The following SETMAR variants were observed in gnomAD, a reference collection of about 807,000 sequenced individuals.
SETMAR encodes the protein SET and mariner transposase domain methyltransferase.
SETMAR carries 44 observed loss-of-function variants against 58.4 expected under a neutral mutation model. The ratio of observed to expected loss-of-function variants is 0.75; its 90% CI spans 0.59 to 0.97. The LOEUF (loss-of-function observed/expected upper bound fraction) is 0.97. SETMAR is among the 50% of genes least tolerant of loss of function. The probability of loss-of-function intolerance (pLI) is 0.00; values close to 1 mark genes in which losing one functional copy is unlikely to be tolerated. For synonymous variants in SETMAR, 332 were observed against 307.4 expected, an observed-to-expected ratio of 1.08 and a Z score of -0.84; for missense variants, 903 against 840.2, an observed-to-expected ratio of 1.07 and a Z score of -0.92.
rs766385284 is a variant in SETMAR, at chr3:4,303,399, G to A, written c.29G>A (p.Arg10Gln). The A allele has an allele frequency of 1.9e-6, 3 of 1,558,224 alleles. No homozygotes were observed. The highest frequency in any genetic ancestry group is 1.2e-5 in the South Asian group (1 of 82,878). ...TTCGCGGAAGCGGCAAAGACGACAC[G>A]GCCTTGTGGGATGGCGGAGTTTAAG... MFAEAAKTT[R>Q]PCGMAEFKEK... The change falls in exon 1 of 3, where the codon CGG (arginine) becomes CAG (glutamine). Residue 10 changes from arginine to glutamine, a missense_variant. Physicochemically the swap from Arg to Gln is conservative, Grantham distance 43 (BLOSUM62 1). Coordinates refer to ENST00000358065, the MANE Select transcript of SETMAR (RefSeq NM_006515.4).
intron 1 of SETMAR, among the ~76,000 whole-genome samples, chr3:4,305,331 C>A (rs1209310832): frequency 6.6e-6 from 1 of 152,166 alleles, no homozygotes. Flanking sequence ...AGTGATCCAC[C>A]CACCTGGGCC....
At position 4,316,697 on chromosome 3, in the gene SETMAR, T is replaced by C. The variant is rs1202238901; in HGVS notation, c.1506T>C (p.Tyr502=). 9 of 1,551,096 alleles carry C rather than the reference T, an allele frequency of 5.8e-6. No homozygotes were observed. The highest frequency in any genetic ancestry group is 7.8e-6 in the Non-Finnish European group (9 of 1,146,764). The change falls in exon 3 of 3, where the codon TAT becomes TAC. Residue 502 remains tyrosine, a synonymous_variant. Coordinates refer to ENST00000358065, the MANE Select transcript of SETMAR (RefSeq NM_006515.4). ...CGTGTGATGAAAAGTGGATTTTATA[T>C]GACAACCGGCGACGATCAGCTCAGT... ...IVTCDEKWIL[Y]DNRRRSAQWL...
chr3:4,310,926 T>C (rs1258785402), intron 1 of SETMAR, among the ~76,000 whole-genome samples: 2 of 152,224 alleles, frequency 1.3e-5, no homozygotes, highest in African/African-American at 4.8e-5. Flanking sequence ...AGTAACCATT[T>C]ACATTTGAAC....
chr3:4,311,940 G>C lies in SETMAR; in HGVS notation c.157-958G>C, dbSNP rs1698421090. Among the ~76,000 whole-genome samples the C allele has an allele frequency of 2.6e-5, 4 of 152,290 alleles. No homozygotes were observed. The South Asian group carries it at 6.2e-4, about 24-fold the overall frequency. On this transcript the variant is annotated intron_variant, in intron 1 of 2. Coordinates refer to ENST00000358065, the MANE Select transcript of SETMAR (RefSeq NM_006515.4). Reference sequence around the variant, plus strand: ...AAATATGCTTCACGATGCTAATGAGGATCTAACCAGAGATCAGGCTTCACA... The same window carrying C: ...AAATATGCTTCACGATGCTAATGAGCATCTAACCAGAGATCAGGCTTCACA...
Position 4,313,322 on chromosome 3 carries a change from T to C in SETMAR, c.581T>C (p.Ile194Thr). 1 of 1,614,076 alleles carries C rather than the reference T, an allele frequency of 6.2e-7. No homozygotes were observed. The highest frequency in any genetic ancestry group is 2.2e-5 in the East Asian group (1 of 44,888). ...ACAAAATCCGACTCCAATTACATTA[T>C]AGCCATCAGGGAACATGTTTATAAT... ...LQTKSDSNYI[I>T]AIREHVYNGQ... Residue 194 changes from isoleucine to threonine, a missense_variant, in exon 2 of 3, where the codon ATA (isoleucine) becomes ACA (threonine). Coordinates refer to ENST00000358065, the MANE Select transcript of SETMAR (RefSeq NM_006515.4).
intron 1 of SETMAR, among the ~76,000 whole-genome samples, chr3:4,309,098 T>C (rs982534605): frequency 2.0e-5 from 3 of 152,214 alleles, no homozygotes; most frequent in African/African-American, 7.2e-5. Context: ...GGAATTGTTA[T>C]TGTCTAAAAA....
At chr3:4,314,064 C>T in intron 2 of SETMAR, 1 of 490,452 alleles carries the variant, frequency 2.0e-6, no homozygotes, top group Non-Finnish European at 3.6e-6. Flanking sequence ...CTCTTTCTTC[C>T]TGCTGGCTGG....
At chr3:4,305,051 T>G (rs1425024352) in intron 1 of SETMAR, among the ~76,000 whole-genome samples, 1 of 152,168 alleles carries the variant, frequency 6.6e-6, no homozygotes, top group African/African-American at 2.4e-5. Flanking sequence ...GTTGAGTTTG[T>G]CTGAAGACCT....
chr3:4,313,199 T>A lies in SETMAR; in HGVS notation c.458T>A (p.Leu153His). ...VFKTHKKGWG[L>H]RTLEFIPKGR... Reference sequence around the variant, plus strand: ...AAGACGCATAAAAAAGGCTGGGGACTTCGTACCTTGGAATTTATACCGAAA... The same window carrying A: ...AAGACGCATAAAAAAGGCTGGGGACATCGTACCTTGGAATTTATACCGAAA... The change falls in exon 2 of 3, where the codon CTT becomes CAT. Residue 153 changes from leucine to histidine, a missense_variant. By Grantham distance (99) the Leu-to-His change is moderately conservative. Coordinates refer to ENST00000358065, the MANE Select transcript of SETMAR (RefSeq NM_006515.4). The A allele has an allele frequency of 6.2e-7, 1 of 1,614,016 alleles. No homozygotes were observed. Among genetic ancestry groups the A allele is most frequent in the Non-Finnish European group, 8.5e-7 (1 of 1,179,984 alleles).
intron 1 of SETMAR, chr3:4,304,009 A>G: frequency 2.6e-6 from 1 of 390,814 alleles, no homozygotes. Flanking sequence ...TCAGCCTTAG[A>G]GTCTTCCAGC....
At position 4,303,812 on chromosome 3, in the gene SETMAR, CAAG is replaced by C. The variant is rs765773476; in HGVS notation, c.156+287_156+289del. On this transcript the variant is annotated intron_variant, in intron 1 of 2. Transcript: ENST00000358065. ...TTTGTCCAGTCCTGTCCTCAGAACT[CAAG>C]GAGGCATCACGGGGGGAGTCATTTA... 6.6e-5 allele frequency: 91 copies of C among 1,389,134 alleles called. 2 individuals carry two copies. In the Admixed American group the frequency reaches 1.1e-3, roughly 17 times the overall value. 86.1% of individuals were successfully genotyped at this position (1,389,134 alleles called of 1,614,324 possible). A position where few individuals can be genotyped will look rare whatever the true frequency, so the allele number is the denominator to read the frequency against.
intron 1 of SETMAR, among the ~76,000 whole-genome samples, chr3:4,304,279 T>C (rs976980809): frequency 1.3e-5 from 2 of 152,178 alleles, no homozygotes; most frequent in African/African-American, 4.8e-5. Context: ...GTAGCTGGGA[T>C]TACAGGCATG....
At chr3:4,303,737 C>A (rs893751497) in intron 1 of SETMAR, 1 of 1,493,562 alleles carries the variant, frequency 6.7e-7, no homozygotes, top group Non-Finnish European at 9.0e-7. Flanking sequence ...TTGTCCTTTT[C>A]AGTCCATTCC....
Position 4,316,578 on chromosome 3 carries a change from G to C in SETMAR, c.1387G>C (p.Glu463Gln). 1 of 1,552,118 alleles carries C rather than the reference G, an allele frequency of 6.4e-7. No homozygotes were observed. Among genetic ancestry groups the C allele is most frequent in the Non-Finnish European group, 8.7e-7 (1 of 1,147,190 alleles). The change falls in exon 3 of 3, where the codon GAG becomes CAG. Residue 463 changes from glutamate to glutamine, a missense_variant. Coordinates refer to ENST00000358065, the MANE Select transcript of SETMAR (RefSeq NM_006515.4). ...VKKLDKWVPH[E>Q]LTENQKNRRF... ...AAAGCTCGATAAGTGGGTGCCTCAT[G>C]AGCTGACTGAAAATCAAAAAAATCG... is the stretch of plus-strand genomic sequence containing the variant.
intron 1 of SETMAR, chr3:4,304,218 C>T (rs34326077): frequency 0.28 from 42,346 of 153,062 alleles, 6,933 homozygotes; most frequent in Non-Finnish European, 0.37. Context: ...CTCGGCCCAC[C>T]GCAACCTCCA....
chr3:4,303,397 A>G lies in SETMAR; in HGVS notation c.27A>G (p.Thr9=). The change falls in exon 1 of 3, where the codon ACA becomes ACG. Residue 9 remains threonine (T), a synonymous_variant. Transcript: ENST00000358065. ...TGTTCGCGGAAGCGGCAAAGACGAC[A>G]CGGCCTTGTGGGATGGCGGAGTTTA... MFAEAAKT[T]RPCGMAEFKE... 6.4e-7 allele frequency: 1 copy of G among 1,559,744 alleles called. No homozygotes were observed. The highest frequency in any genetic ancestry group is 1.4e-5 in the African/African-American group (1 of 70,952).
In SETMAR at chr3:4,316,741, C is replaced by T. The variant is rs1156404100; in HGVS notation, c.1550C>T (p.Ala517Val). 6.4e-7 allele frequency: 1 copy of T among 1,550,744 alleles called. No homozygotes were observed. Residue 517 changes from alanine (A) to valine (V), a missense_variant, in exon 3 of 3, where the codon GCT becomes GTT. Ala to Val is a moderately conservative substitution (Grantham distance 64). Transcript: ENST00000358065. ...GCTCAGTGGTTGGATCAAGAAGAAG[C>T]TCCAAAGCACTTCCCAAAGCCAATC... ...RSAQWLDQEE[A>V]PKHFPKPILH...
At position 4,316,543 on chromosome 3, in the gene SETMAR, GAAA is replaced by G; in HGVS notation, c.1353_1355del (p.Lys452del). 1 of 1,563,332 alleles carries G rather than the reference GAAA, an allele frequency of 6.4e-7. No individual in the cohort carries two copies. Among genetic ancestry groups the G allele is most frequent in the East Asian group, 2.4e-5 (1 of 42,008 alleles). The stretch of plus-strand genomic sequence containing the variant: ...GTCGTTCGACATTTGAAGCAAATTG[GAAA>G]GGTGAAAAAGCTCGATAAGTGGGTG... On this transcript the variant is annotated inframe_deletion, in exon 3 of 3. Transcript: ENST00000358065.
At chr3:4,313,995 T>G in intron 2 of SETMAR, 1 of 706,654 alleles carries the variant, frequency 1.4e-6, no homozygotes, top group Non-Finnish European at 2.3e-6. Context: ...CTGTTCTAGT[T>G]AATAGGATAT....
Sources: gnomAD v4.1 joint callset for allele counts (sites outside exome capture counted in the v4.1 genomes callset) on GRCh38, gnomAD v4.1.1 for gene constraint, MANE v1.5 for transcripts, NCBI Gene and HGNC (gene_info 2026-07-23, HGNC 2026-07-21) for gene names.